LRRC28: variants seen among roughly 807,000 people sequenced by gnomAD.
The protein encoded by LRRC28 is leucine rich repeat containing 28, also known as leucine-rich repeat-containing protein 28.
Under a neutral mutation model 45.7 loss-of-function variants are expected in LRRC28, and 39 were observed. The ratio of observed to expected loss-of-function variants is 0.85; its 90% confidence interval spans 0.66 to 1.12. The LOEUF (loss-of-function observed/expected upper bound fraction) is 1.12. Ranked by LOEUF, LRRC28 falls within the 50% of genes most tolerant of loss-of-function variation. The pLI, the probability that LRRC28 is intolerant of heterozygous loss-of-function variation, is 0.00. For synonymous variants in LRRC28, 206 were observed against 178.8 expected, an observed-to-expected ratio of 1.15 and a Z score of -1.22; for missense variants, 435 against 438.5, an observed-to-expected ratio of 0.99 and a Z score of 0.07.
At chr15:99,361,676 A>G (rs2152326318) in intron 8 of LRRC28, among the ~76,000 whole-genome samples, 165 bp downstream of exon 8, 1 of 152,352 alleles carries the variant, frequency 6.6e-6, no homozygotes, top group Non-Finnish European at 1.5e-5. Context: ...GTTCAGTGGC[A>G]TTAAGTCCAT....
intron 5 of LRRC28, among the ~76,000 whole-genome samples, chr15:99,316,003 T>C (rs1955580235): frequency 6.6e-6 from 1 of 152,206 alleles, no homozygotes; most frequent in South Asian, 2.1e-4. Flanking sequence ...CATCATACAT[T>C]TTAAAAAGTT....
intron 8 of LRRC28, 95 bp downstream of exon 8, chr15:99,361,606 T>G (rs750708187): frequency 2.4e-6 from 3 of 1,238,908 alleles, no homozygotes; most frequent in South Asian, 1.7e-5. Context: ...AAAAAAAAAA[T>G]TATTGTGGTA....
chr15:99,271,173 G>C (rs1218411862), intron 2 of LRRC28, among the ~76,000 whole-genome samples: 1 of 152,082 alleles, frequency 6.6e-6, no homozygotes, highest in Non-Finnish European at 1.5e-5. Context: ...ACCTTTGCCA[G>C]ATATATGATT....
intron 3 of LRRC28, 31 bp from the exon 4 acceptor site, chr15:99,287,226 A>C (rs2152209225): frequency 6.5e-7 from 1 of 1,550,074 alleles, no homozygotes; most frequent in East Asian, 2.3e-5. Flanking sequence ...ACTTAATGAT[A>C]ATGGCTGTTT....
At chr15:99,368,931 C>G (rs776516661) in intron 9 of LRRC28, among the ~76,000 whole-genome samples, 6 of 152,200 alleles carry the variant, frequency 3.9e-5, no homozygotes, top group Non-Finnish European at 8.8e-5. Flanking sequence ...AGAAACCAAG[C>G]TGTGCCTTCA....
rs897771428 is a variant in LRRC28, at chr15:99,389,201, G to A, written c.*3099G>A. 2.0e-5 allele frequency: 3 copies of A among 152,258 alleles called. No individual in the cohort carries two copies. Among genetic ancestry groups the A allele is most frequent in the African/African-American group, 7.2e-5 (3 of 41,540 alleles). The allele number at this position is 152,258 out of a possible 1,614,324, so 9.4% of individuals were successfully genotyped here. On this transcript the variant is annotated 3_prime_UTR_variant, in exon 10 of 10. Transcript: ENST00000301981. ...TCTTTTGGTCACCGTGCCTCACTAA[G>A]ACCTTTCACATTCCAGCTTGTCCGA...
chr15:99,266,756 A>G (rs550719001), intron 2 of LRRC28, among the ~76,000 whole-genome samples: 28 of 152,368 alleles, frequency 1.8e-4, no homozygotes, highest in East Asian at 7.7e-4. Flanking sequence ...TTGTTAAAAT[A>G]TGATAGCAGC....
intron 5 of LRRC28, among the ~76,000 whole-genome samples, chr15:99,322,203 A>G (rs532750041): frequency 6.6e-6 from 1 of 152,176 alleles, no homozygotes; most frequent in Admixed American, 6.5e-5. Context: ...CCATGTTGCT[A>G]GTAAGATGGT....
intron 2 of LRRC28, among the ~76,000 whole-genome samples, chr15:99,257,463 C>G (rs770548120): frequency 2.0e-5 from 3 of 152,190 alleles, no homozygotes; most frequent in Non-Finnish European, 2.9e-5. Context: ...TAACTATCTG[C>G]CATAGCCCAA....
chr15:99,292,919 G>C (rs538198730), intron 5 of LRRC28, among the ~76,000 whole-genome samples: 31 of 152,294 alleles, frequency 2.0e-4, no homozygotes, highest in African/African-American at 7.5e-4. Context: ...TTAGTTGTTA[G>C]GGTGAGAGTG....
chr15:99,271,648 G>C (rs1037498597), intron 2 of LRRC28, among the ~76,000 whole-genome samples: 1 of 152,046 alleles, frequency 6.6e-6, no homozygotes, highest in African/African-American at 2.4e-5. Flanking sequence ...CCAAGCTGGA[G>C]TACAGTGGCG....
chr15:99,323,537 G>A (rs1448837755), intron 5 of LRRC28, among the ~76,000 whole-genome samples: 2 of 152,078 alleles, frequency 1.3e-5, no homozygotes, highest in East Asian at 1.9e-4. Context: ...AATCTGAATT[G>A]CTTTTAATTT....
At chr15:99,270,434 C>G (rs1156523419) in intron 2 of LRRC28, among the ~76,000 whole-genome samples, 1 of 151,756 alleles carries the variant, frequency 6.6e-6, no homozygotes, top group African/African-American at 2.4e-5. Flanking sequence ...GCCCCGCCCC[C>G]ACCCTCAGCT....
rs996183473 is a variant in LRRC28, at chr15:99,386,929, TGAGAAAGGGG to T, written c.*834_*843del. 1 of 152,112 alleles carries T rather than the reference TGAGAAAGGGG, an allele frequency of 6.6e-6. No individual in the cohort carries two copies. The highest frequency in any genetic ancestry group is 6.5e-5 in the Admixed American group (1 of 15,270). 9.4% of individuals were successfully genotyped at this position (152,112 alleles called of 1,614,324 possible). Reference sequence around the variant, plus strand: ...TTCTCAATATAAAGTTTCCATACAATGAGAAAGGGGGAGAAAACACACATTGAAATAAGAC... The same window carrying T: ...TTCTCAATATAAAGTTTCCATACAATGAGAAAACACACATTGAAATAAGAC... On this transcript the variant is annotated 3_prime_UTR_variant, in exon 10 of 10. Coordinates refer to ENST00000301981, the MANE Select transcript of LRRC28 (RefSeq NM_144598.5).
At chr15:99,357,297 C>A (rs1042805615) in intron 7 of LRRC28, among the ~76,000 whole-genome samples, 1 of 152,166 alleles carries the variant, frequency 6.6e-6, no homozygotes, top group African/African-American at 2.4e-5. Context: ...GTATGTTCCT[C>A]ACAAATGTAT....
At chr15:99,330,615 T>G (rs1049850741) in intron 5 of LRRC28, among the ~76,000 whole-genome samples, 2 of 152,174 alleles carry the variant, frequency 1.3e-5, no homozygotes, top group African/African-American at 4.8e-5. Context: ...TTTGTGCCTT[T>G]GAATCTAAAG....
chr15:99,260,810 G>A (rs555354161), intron 2 of LRRC28, among the ~76,000 whole-genome samples: 71 of 152,308 alleles, frequency 4.7e-4, no homozygotes, highest in African/African-American at 1.7e-3. Flanking sequence ...TGAAAATATA[G>A]AGTATCTCGA....
chr15:99,302,029 A>ATTT (rs66480151), intron 5 of LRRC28, among the ~76,000 whole-genome samples: 1 of 143,902 alleles, frequency 6.9e-6, no homozygotes, highest in African/African-American at 2.6e-5. Context: ...TGAGTTAATA[A>ATTT]TTTTTTTTTT....
At chr15:99,281,656 C>T (rs2081795707) in intron 3 of LRRC28, among the ~76,000 whole-genome samples, 1 of 152,052 alleles carries the variant, frequency 6.6e-6, no homozygotes, top group South Asian at 2.1e-4. Context: ...ATTGGATGGA[C>T]CTTATAAAGT....
Sources: gnomAD v4.1 joint callset for allele counts (sites outside exome capture counted in the v4.1 genomes callset) on GRCh38, gnomAD v4.1.1 for gene constraint, MANE v1.5 for transcripts, NCBI Gene and HGNC (gene_info 2026-07-23, HGNC 2026-07-21) for gene names.